Variants in ST7 observed in about 807,000 individuals in gnomAD.
ST7 encodes suppression of tumorigenicity 7.
ST7 carries 28 observed loss-of-function variants against 78.7 expected under a neutral mutation model. The observed-to-expected ratio is 0.36, with a 90% CI of 0.26 to 0.49. The LOEUF is 0.49. Among genes scored for constraint, ST7 ranks in the 20% least tolerant of loss-of-function variants. The pLI, the probability that ST7 is intolerant of heterozygous loss-of-function variation, is 0.99. For missense variants in ST7, 418 were observed against 696.0 expected (o/e 0.60, Z 4.49); for synonymous variants, 247 against 249.6 (o/e 0.99, Z 0.10).
chr7:116,958,836 C>A (rs551212441), intron 1 of ST7, among the ~76,000 whole-genome samples: 5 of 152,056 alleles, frequency 3.3e-5, no homozygotes, highest in African/African-American at 1.2e-4. Context: ...AAAAAAAATG[C>A]TATCTGAGCC....
chr7:117,100,071 G>A (rs1438870393), intron 2 of ST7, among the ~76,000 whole-genome samples: 1 of 151,890 alleles, frequency 6.6e-6, no homozygotes, highest in Non-Finnish European at 1.5e-5. Flanking sequence ...TTGTTGAAGG[G>A]GAAAAACAAA....
Position 117,189,388 on chromosome 7 carries a change from T to C in ST7, c.1146T>C (p.Ser382=), listed in dbSNP as rs1168425918. The change falls in exon 11 of 16, where the codon TCT becomes TCC. Residue 382 remains serine (S), a synonymous_variant. Coordinates refer to ENST00000323984, the MANE Select transcript of ST7 (RefSeq NM_001369598.1). The part of the protein sequence containing the change: ...TAALLKARAV[S]DKFSPEAASR... ...CTTTGCTCAAAGCAAGAGCTGTCTC[T>C]GACAAGTAAGTGAATAATAGTTTGC... 2 of 1,602,652 alleles carry C rather than the reference T, an allele frequency of 1.2e-6. No homozygotes were observed. Among genetic ancestry groups the C allele is most frequent in the African/African-American group, 1.3e-5 (1 of 74,722 alleles).
At chr7:117,005,898 C>T (rs1376161750) in intron 1 of ST7, among the ~76,000 whole-genome samples, 1 of 152,102 alleles carries the variant, frequency 6.6e-6, no homozygotes, top group Non-Finnish European at 1.5e-5. Flanking sequence ...ATACGTAGAT[C>T]ATAAATAGAA....
chr7:117,092,336 A>G (rs1251113513), intron 1 of ST7, among the ~76,000 whole-genome samples: 1 of 151,576 alleles, frequency 6.6e-6, no homozygotes, highest in Non-Finnish European at 1.5e-5. Context: ...AAAAAAAAAA[A>G]AGAAGTTATG....
intron 1 of ST7, among the ~76,000 whole-genome samples, chr7:116,962,788 T>C (rs768343936): frequency 6.6e-6 from 1 of 152,118 alleles, no homozygotes; most frequent in East Asian, 1.9e-4. Flanking sequence ...TCTTTAATTA[T>C]GTGACTCTGG....
At chr7:117,013,836 T>G (rs985910415) in intron 1 of ST7, among the ~76,000 whole-genome samples, 7 of 152,070 alleles carry the variant, frequency 4.6e-5, no homozygotes, top group African/African-American at 1.7e-4. Context: ...CCGCCAAAAA[T>G]AAATAAAAAT....
intron 1 of ST7, among the ~76,000 whole-genome samples, chr7:117,097,857 C>CTA (rs1318965438): frequency 1.3e-3 from 114 of 89,978 alleles, no homozygotes; most frequent in Non-Finnish European, 2.1e-3. Context: ...TGACATATCA[C>CTA]TATATATATA....
intron 9 of ST7, among the ~76,000 whole-genome samples, chr7:117,140,043 G>C (rs966722406): frequency 2.0e-5 from 3 of 152,156 alleles, no homozygotes; most frequent in Admixed American, 6.5e-5. Context: ...TAATTTTGGT[G>C]ATTTTCTTGA....
chr7:117,192,135 C>T (rs1433189721), intron 12 of ST7, among the ~76,000 whole-genome samples: 2 of 152,160 alleles, frequency 1.3e-5, no homozygotes, highest in Non-Finnish European at 2.9e-5. Flanking sequence ...ATAACTATAT[C>T]TCCTTATATA....
intron 1 of ST7, among the ~76,000 whole-genome samples, chr7:117,043,861 G>A (rs1797355376): frequency 6.6e-6 from 1 of 152,206 alleles, no homozygotes; most frequent in African/African-American, 2.4e-5. Flanking sequence ...TTCCAGTTGA[G>A]TATTAATGCC....
intron 1 of ST7, among the ~76,000 whole-genome samples, chr7:116,976,379 A>G (rs892731748): frequency 5.3e-5 from 8 of 152,214 alleles, no homozygotes; most frequent in African/African-American, 1.7e-4. Context: ...GATTGCAACA[A>G]AAATTAGCTG....
chr7:117,054,065 T>C (rs1341357013), intron 1 of ST7, among the ~76,000 whole-genome samples: 1 of 152,130 alleles, frequency 6.6e-6, no homozygotes, highest in Non-Finnish European at 1.5e-5. Context: ...TCCAAACTCC[T>C]GACCTCAGGT....
At chr7:116,999,483 C>G (rs1794823209) in intron 1 of ST7, among the ~76,000 whole-genome samples, 1 of 152,160 alleles carries the variant, frequency 6.6e-6, no homozygotes, top group South Asian at 2.1e-4. Context: ...GAAAATGGAA[C>G]AGCTCTGAAT....
At chr7:117,222,910 G>C in intron 15 of ST7, 1 of 1,614,162 alleles carries the variant, frequency 6.2e-7, no homozygotes, top group Non-Finnish European at 8.5e-7. Context: ...AATTGCAAGA[G>C]TATTTTCATG....
At chr7:117,089,595 G>A (rs1319113458) in intron 1 of ST7, among the ~76,000 whole-genome samples, 2 of 138,116 alleles carry the variant, frequency 1.4e-5, no homozygotes, top group African/African-American at 5.4e-5. Context: ...TTTTTGAGAT[G>A]GAATCTCGCT....
chr7:117,119,466 G>A, intron 2 of ST7, 95 bp from the exon 3 acceptor site: 2 of 1,166,488 alleles, frequency 1.7e-6, no homozygotes, highest in African/African-American at 1.6e-5. Flanking sequence ...ATATACTTAA[G>A]GTGGAATTAG....
Position 116,987,152 on chromosome 7 carries a change from A to G in ST7, c.151+33461A>G, listed in dbSNP as rs559093064. Among the ~76,000 whole-genome samples, 4 of 152,320 alleles carry G rather than the reference A, an allele frequency of 2.6e-5. 1 individual carries two copies. Among genetic ancestry groups the G allele is most frequent in the African/African-American group, 9.6e-5 (4 of 41,578 alleles). ...GGCAGACAAAGTAAGAAGATGTATTATTTGAAGACTCTCTCTTCTTCATTA... is the reference window on the plus strand; with the variant it reads ...GGCAGACAAAGTAAGAAGATGTATTGTTTGAAGACTCTCTCTTCTTCATTA... On this transcript the variant is annotated intron_variant, in intron 1 of 15. Transcript: ENST00000323984.
intron 3 of ST7, among the ~76,000 whole-genome samples, chr7:117,119,974 G>C (rs1395193754): frequency 6.6e-6 from 1 of 151,534 alleles, no homozygotes; most frequent in East Asian, 1.9e-4. Context: ...TGTCACCCAG[G>C]CTGGAGTGCA....
chr7:117,229,795 G>A lies in ST7; in HGVS notation c.1672G>A (p.Val558Ile). ...CACTTTGTTTGCCCCCTTAAACTTT[G>A]TCATGGAGAAAGTGGAGAGCATCCT... ...LSTLFAPLNFVMEKVESILPS... is the reference protein window; with the variant it reads ...LSTLFAPLNFIMEKVESILPS... Residue 558 changes from valine (V) to isoleucine (I), a missense_variant, in exon 16 of 16, where the codon GTC becomes ATC. This residue lies in a region of ST7 where 288 missense variants were observed against 537.1 expected (regional missense o/e 0.54). Transcript: ENST00000323984. 6.2e-7 allele frequency: 1 copy of A among 1,613,750 alleles called. No individual in the cohort carries two copies. Among genetic ancestry groups the A allele is most frequent in the Admixed American group, 1.7e-5 (1 of 60,010 alleles).
Sources: gnomAD v4.1 joint callset for allele counts (sites outside exome capture counted in the v4.1 genomes callset) on GRCh38, gnomAD v4.1.1 for gene constraint, gnomAD v4.1.1 regional missense constraint, MANE v1.5 for transcripts, NCBI Gene and HGNC (gene_info 2026-07-23, HGNC 2026-07-21) for gene names.